Variants in FAF2 observed in about 807,000 individuals in gnomAD.
The protein encoded by FAF2 is Fas associated factor family member 2.
A neutral mutation model predicts 62.3 loss-of-function variants in FAF2; 9 were observed. The observed-to-expected ratio is 0.14, with a 90% CI of 0.09 to 0.25. FAF2 has a LOEUF of 0.25. Ranked by LOEUF, FAF2 falls within the 10% of genes least tolerant of loss-of-function variation. The pLI, the probability that FAF2 is intolerant of heterozygous loss-of-function variation, is 1.00. For missense variants in FAF2, 368 were observed against 556.2 expected (o/e 0.66, Z 3.40); for synonymous variants, 202 against 198.0 (o/e 1.02, Z -0.17).
At chr5:176,474,170 A>C (rs757315049) in intron 1 of FAF2, among the ~76,000 whole-genome samples, 28 of 152,168 alleles carry the variant, frequency 1.8e-4, no homozygotes, top group Non-Finnish European at 2.9e-4. Context: ...TAAGCTAAAC[A>C]TGAGTTGATG....
At chr5:176,455,455 A>G (rs1445275542) in intron 1 of FAF2, among the ~76,000 whole-genome samples, 1 of 135,814 alleles carries the variant, frequency 7.4e-6, no homozygotes, top group Non-Finnish European at 1.6e-5. Flanking sequence ...TCTCAAAAAA[A>G]AAAGTAAAAA....
intron 7 of FAF2, among the ~76,000 whole-genome samples, chr5:176,496,134 T>A (rs1176901072): frequency 6.6e-6 from 1 of 152,092 alleles, no homozygotes; most frequent in Non-Finnish European, 1.5e-5. Flanking sequence ...CCTATTCTAG[T>A]CAAGCACCTA....
chr5:176,462,601 C>T lies in FAF2; in HGVS notation c.63+14131C>T, dbSNP rs149151093. Among the ~76,000 whole-genome samples, 91 of 152,070 alleles carry T rather than the reference C, an allele frequency of 6.0e-4. 1 individual carries two copies. In the East Asian group the frequency reaches 6.4e-3, roughly 11 times the overall value. On this transcript the variant is annotated intron_variant, in intron 1 of 10. Coordinates refer to ENST00000261942, the MANE Select transcript of FAF2 (RefSeq NM_014613.3). Reference sequence around the variant, plus strand: ...ATCGCGCCACTGCACTCCAGCCTAACGACAGAGCAAGACTCCGTCTCAAAA... The same window carrying T: ...ATCGCGCCACTGCACTCCAGCCTAATGACAGAGCAAGACTCCGTCTCAAAA...
At chr5:176,455,380 T>G (rs1221056244) in intron 1 of FAF2, among the ~76,000 whole-genome samples, 1 of 151,808 alleles carries the variant, frequency 6.6e-6, no homozygotes, top group Non-Finnish European at 1.5e-5. Context: ...GCCTAGGAGG[T>G]GAAGGCTGCA....
chr5:176,473,288 G>C (rs1331545968), intron 1 of FAF2, among the ~76,000 whole-genome samples: 1 of 152,092 alleles, frequency 6.6e-6, no homozygotes, highest in Non-Finnish European at 1.5e-5. Flanking sequence ...GTACCAGTCA[G>C]GTATTTTGTA....
chr5:176,469,855 TA>T (rs1758527661), intron 1 of FAF2, among the ~76,000 whole-genome samples: 1 of 152,034 alleles, frequency 6.6e-6, no homozygotes, highest in Non-Finnish European at 1.5e-5. Context: ...TTGAAGGGAG[TA>T]TTTCGTAAAA....
At chr5:176,451,890 A>ATT (rs1758192350) in intron 1 of FAF2, among the ~76,000 whole-genome samples, 3 of 34,220 alleles carry the variant, frequency 8.8e-5, no homozygotes, top group South Asian at 8.3e-4. Context: ...ATATATATAT[A>ATT]TATTTTTTTT....
chr5:176,486,134 A>G (rs904580728), intron 2 of FAF2, among the ~76,000 whole-genome samples: 3 of 152,220 alleles, frequency 2.0e-5, no homozygotes, highest in African/African-American at 2.4e-5. Flanking sequence ...CTTCCAGACA[A>G]GTTTCCTCGT....
rs767150220 is a variant in FAF2 at position 176,489,037 on chromosome 5, T to C, written c.344+10T>C. On this transcript the variant is annotated intron_variant, in intron 4 of 10. Transcript: ENST00000261942. ...TACTTGATATATTTAGGTATGTACC[T>C]TTGGATTTATGTATTAGTAGAATAG... 6.2e-7 allele frequency: 1 copy of C among 1,603,732 alleles called. No individual in the cohort carries two copies. Among genetic ancestry groups the C allele is most frequent in the Admixed American group, 1.7e-5 (1 of 59,630 alleles).
chr5:176,476,270 A>G (rs1318363169), intron 1 of FAF2, among the ~76,000 whole-genome samples: 1 of 152,202 alleles, frequency 6.6e-6, no homozygotes, highest in Non-Finnish European at 1.5e-5. Flanking sequence ...TCTTAAAAAA[A>G]CAAAGCAAAA....
intron 1 of FAF2, among the ~76,000 whole-genome samples, chr5:176,466,119 A>G (rs77941518): frequency 0.014 from 2,150 of 152,274 alleles, 40 homozygotes; most frequent in African/African-American, 0.049. Context: ...CTTAATTTGG[A>G]GTATCAGTAA....
chr5:176,454,577 GAAAAAAAAAAAAAAA>G lies in FAF2; in HGVS notation c.63+6127_63+6141del, dbSNP rs56324116. ...TGGGCAACAGAGCCAGATTCTGTCT[GAAAAAAAAAAAAAAA>G]AAAAAAAAAAAAAAAAAAATCTAAT... On this transcript the variant is annotated intron_variant, in intron 1 of 10. Coordinates refer to ENST00000261942, the MANE Select transcript of FAF2 (RefSeq NM_014613.3). 5.2e-3 allele frequency among the ~76,000 whole-genome samples: 493 copies of G among 95,304 alleles called. 4 individuals carry two copies. Among genetic ancestry groups the G allele is most frequent in the African/African-American group, 0.011 (261 of 23,232 alleles). 62.5% of individuals were successfully genotyped at this position (95,304 alleles called of 152,430 possible).
chr5:176,477,007 A>G (rs1260952225), intron 1 of FAF2, among the ~76,000 whole-genome samples: 2 of 149,662 alleles, frequency 1.3e-5, no homozygotes, highest in Non-Finnish European at 1.5e-5. Flanking sequence ...ACGGGGTTTC[A>G]CCATGTTAGC....
At chr5:176,493,503 G>A (rs1033122205) in intron 5 of FAF2, among the ~76,000 whole-genome samples, 1 of 152,232 alleles carries the variant, frequency 6.6e-6, no homozygotes, top group Non-Finnish European at 1.5e-5. Flanking sequence ...TACACCCTAT[G>A]CTCTTTAGAA....
At chr5:176,489,727 A>G (rs190443806) in intron 4 of FAF2, among the ~76,000 whole-genome samples, 7 of 152,112 alleles carry the variant, frequency 4.6e-5, no homozygotes, top group African/African-American at 1.7e-4. Flanking sequence ...TAGTAGAGAC[A>G]GTAGAGATGG....
intron 1 of FAF2, among the ~76,000 whole-genome samples, chr5:176,471,323 A>G (rs1170310190): frequency 1.3e-5 from 2 of 151,838 alleles, no homozygotes; most frequent in African/African-American, 2.4e-5. Flanking sequence ...CACTGGCACT[A>G]AATTTAGAAT....
chr5:176,505,130 A>T (rs1755654137), intron 10 of FAF2, among the ~76,000 whole-genome samples: 2 of 152,166 alleles, frequency 1.3e-5, no homozygotes, highest in Admixed American at 1.3e-4. Flanking sequence ...TGAGAGATGT[A>T]TCAAAAAGAA....
At chr5:176,464,592 A>C (rs952518644) in intron 1 of FAF2, among the ~76,000 whole-genome samples, 2 of 148,942 alleles carry the variant, frequency 1.3e-5, no homozygotes, top group Non-Finnish European at 3.0e-5. Context: ...TCCCGGACTC[A>C]AGTGACCCTC....
chr5:176,493,955 A>T (rs757306178), intron 5 of FAF2, 44 bp from the exon 6 acceptor site: 1 of 1,359,506 alleles, frequency 7.4e-7, no homozygotes, highest in Admixed American at 1.8e-5. Context: ...TATAAGCTCA[A>T]GGCACAGTCT....
Sources: gnomAD v4.1 joint callset for allele counts (sites outside exome capture counted in the v4.1 genomes callset) on GRCh38, gnomAD v4.1.1 for gene constraint, MANE v1.5 for transcripts, NCBI Gene and HGNC (gene_info 2026-07-23, HGNC 2026-07-21) for gene names.